Variants in MAD1L1 observed in about 807,000 individuals in gnomAD.
The protein encoded by MAD1L1 is mitotic arrest deficient 1 like 1.
MAD1L1 carries 95 observed loss-of-function variants against 96.9 expected under a neutral mutation model. The observed-to-expected ratio is 0.98, with a 90% confidence interval of 0.83 to 1.16. MAD1L1 has a LOEUF of 1.16. MAD1L1 is among the 50% of genes most tolerant of loss of function. The probability of loss-of-function intolerance (pLI) is 0.00; values close to 1 mark genes in which losing one functional copy is unlikely to be tolerated. For synonymous variants in MAD1L1, 473 were observed against 396.6 expected (o/e 1.19, Z -2.29); for missense variants, 1,007 against 954.4 (o/e 1.06, Z -0.73).
chr7:1,898,097 T>C, intron 18 of MAD1L1, 103 bp downstream of exon 18: 1 of 1,247,140 alleles, frequency 8.0e-7, no homozygotes. Flanking sequence ...CACCATCCCC[T>C]TTGGACGCGA....
intron 10 of MAD1L1, among the ~76,000 whole-genome samples, chr7:2,191,506 G>A (rs1171150751): frequency 3.9e-5 from 6 of 152,156 alleles, no homozygotes; most frequent in African/African-American, 7.2e-5. Flanking sequence ...TGAGGCAGGC[G>A]GATCACTTGA....
intron 11 of MAD1L1, among the ~76,000 whole-genome samples, chr7:2,071,804 A>C (rs1222691931): frequency 6.6e-6 from 1 of 151,658 alleles, no homozygotes; most frequent in Admixed American, 6.6e-5. Context: ...GTTTTCCACC[A>C]GAGCTAGGAG....
At chr7:2,093,006 G>C (rs1584301423) in intron 11 of MAD1L1, among the ~76,000 whole-genome samples, 1 of 151,986 alleles carries the variant, frequency 6.6e-6, no homozygotes, top group African/African-American at 2.4e-5. Context: ...GGGAGGCTGA[G>C]GCGGGTGGAT....
At chr7:1,994,726 A>G (rs940957948) in intron 14 of MAD1L1, among the ~76,000 whole-genome samples, 3 of 152,196 alleles carry the variant, frequency 2.0e-5, no homozygotes, top group Admixed American at 1.3e-4. Flanking sequence ...GTGAGGACAC[A>G]GTGAGAGGGC....
intron 11 of MAD1L1, among the ~76,000 whole-genome samples, chr7:2,104,457 G>T (rs1466985082): frequency 3.3e-5 from 5 of 152,208 alleles, no homozygotes; most frequent in African/African-American, 1.2e-4. Context: ...TGTCAAACAC[G>T]CTGGTGCCTA....
intron 12 of MAD1L1, among the ~76,000 whole-genome samples, chr7:2,025,816 T>C (rs1182351165): frequency 6.6e-6 from 1 of 152,196 alleles, no homozygotes; most frequent in Non-Finnish European, 1.5e-5. Context: ...TTGTTAAGTA[T>C]ATAATAATAG....
chr7:1,988,398 G>A lies in MAD1L1; in HGVS notation c.1417-7857C>T, dbSNP rs562202361. Among the ~76,000 whole-genome samples the A allele has an allele frequency of 4.6e-5, 7 of 152,208 alleles. No individual in the cohort carries two copies. The South Asian group carries it at 1.4e-3, about 32-fold the overall frequency. ...GGACCTGAGGCCCAGGCACTTTGTG[G>A]AGCGCCCAGCCTACAAGACTTCAGC... On this transcript the variant is annotated intron_variant, in intron 14 of 18. Coordinates refer to ENST00000265854, the MANE Select transcript of MAD1L1 (RefSeq NM_001013836.2).
chr7:1,885,069 T>C (rs1034968316), intron 18 of MAD1L1, among the ~76,000 whole-genome samples: 8 of 152,152 alleles, frequency 5.3e-5, no homozygotes, highest in Admixed American at 1.3e-4. Context: ...CCTAAGTACT[T>C]AGTCATCACC....
At chr7:1,880,534 C>T (rs1412496111) in intron 18 of MAD1L1, among the ~76,000 whole-genome samples, 2 of 152,168 alleles carry the variant, frequency 1.3e-5, no homozygotes, top group African/African-American at 2.4e-5. Flanking sequence ...GGCCTTTCCC[C>T]GCTCACTACA....
chr7:1,950,696 CCT>C (rs1218134155), intron 16 of MAD1L1, among the ~76,000 whole-genome samples: 8 of 152,360 alleles, frequency 5.3e-5, no homozygotes, highest in Admixed American at 3.3e-4. Context: ...CCCTCTGCTG[CCT>C]CTGTGAGCAG....
intron 10 of MAD1L1, among the ~76,000 whole-genome samples, chr7:2,160,275 A>C (rs1477959798): frequency 6.6e-6 from 1 of 150,916 alleles, no homozygotes; most frequent in East Asian, 2.0e-4. Flanking sequence ...AGAAAATAAC[A>C]ATGGCCTCCT....
At chr7:2,020,313 A>G (rs1782730675) in intron 12 of MAD1L1, among the ~76,000 whole-genome samples, 2 of 152,090 alleles carry the variant, frequency 1.3e-5, no homozygotes, top group African/African-American at 4.8e-5. Context: ...GAGGCCCGAG[A>G]TTGCTATCCA....
Position 2,103,893 on chromosome 7 carries a change from T to C in MAD1L1, c.1074-34555A>G, listed in dbSNP as rs1324628641. ...AATGCGGGGAGACCACCAGTTCTGA[T>C]GCCACGCCATACAACACTCCACCCC... On this transcript the variant is annotated intron_variant, in intron 11 of 18. Coordinates refer to ENST00000265854, the MANE Select transcript of MAD1L1 (RefSeq NM_001013836.2). The surrounding 1 kb of genome is among the most constrained non-coding windows in gnomAD (Gnocchi z 4.3). Among the ~76,000 whole-genome samples, 1 of 152,170 alleles carries C rather than the reference T, an allele frequency of 6.6e-6. No homozygotes were observed. Among genetic ancestry groups the C allele is most frequent in the Admixed American group, 6.5e-5 (1 of 15,280 alleles).
chr7:2,148,083 T>A (rs1278615094), intron 11 of MAD1L1, among the ~76,000 whole-genome samples: 1 of 152,248 alleles, frequency 6.6e-6, no homozygotes. Context: ...AGGCAATCTT[T>A]ATCATTTGAG....
At chr7:1,876,323 C>T (rs1006001606) in intron 18 of MAD1L1, among the ~76,000 whole-genome samples, 3 of 152,112 alleles carry the variant, frequency 2.0e-5, no homozygotes, top group Admixed American at 6.5e-5. Context: ...CCGAGCCCCC[C>T]GTCTGGTCCA....
At chr7:1,966,248 A>T (rs939956954) in intron 15 of MAD1L1, among the ~76,000 whole-genome samples, 1 of 152,188 alleles carries the variant, frequency 6.6e-6, no homozygotes, top group South Asian at 2.1e-4. Flanking sequence ...AAACACTCTC[A>T]TTTCTCACAG....
rs1019521441 is a variant in MAD1L1, at chr7:1,878,735, C to CG, written c.1998+19464_1998+19465insC. Among the ~76,000 whole-genome samples, 489 of 68,284 alleles carry CG rather than the reference C, an allele frequency of 7.2e-3. 5 individuals are homozygous for CG. The highest frequency in any genetic ancestry group is 0.016 in the African/African-American group (446 of 28,650). The allele number at this position is 68,284 out of a possible 152,430, so 44.8% of individuals were successfully genotyped here. A position where few individuals can be genotyped will look rare whatever the true frequency, so the allele number is the denominator to read the frequency against. On this transcript the variant is annotated intron_variant, in intron 18 of 18. Transcript: ENST00000265854. ...ATCAGAAACAAGGTAAAAATGTCCCCCCCCCCCCATTCTTATTCAGCACTG... is the reference window on the plus strand; with the variant it reads ...ATCAGAAACAAGGTAAAAATGTCCCCGCCCCCCCCATTCTTATTCAGCACTG...
At chr7:2,160,628 C>T (rs1317966733) in intron 10 of MAD1L1, among the ~76,000 whole-genome samples, 1 of 151,628 alleles carries the variant, frequency 6.6e-6, no homozygotes, top group South Asian at 2.1e-4. Flanking sequence ...CCACCGCCCC[C>T]GGCCTATTTT....
At chr7:1,889,259 G>A (rs1170833546) in intron 18 of MAD1L1, among the ~76,000 whole-genome samples, 1 of 152,238 alleles carries the variant, frequency 6.6e-6, no homozygotes, top group African/African-American at 2.4e-5. Context: ...ACCCGACGGG[G>A]GCTGACTAGC....
Sources: gnomAD v4.1 joint callset for allele counts (sites outside exome capture counted in the v4.1 genomes callset) on GRCh38, gnomAD v4.1.1 for gene constraint, Gnocchi (gnomAD v3.1) non-coding constraint, MANE v1.5 for transcripts, NCBI Gene and HGNC (gene_info 2026-07-23, HGNC 2026-07-21) for gene names.